Variants in CAPN15 observed in about 807,000 individuals in gnomAD.
CAPN15 encodes calpain-15.
In CAPN15, 53 loss-of-function variants were observed where a neutral mutation model predicts 97.9. That is an observed-to-expected ratio of 0.54 (90% CI 0.43 to 0.68). The LOEUF is 0.68. Among genes scored for constraint, CAPN15 ranks in the 30% least tolerant of loss-of-function variants. The pLI is 0.00. For synonymous variants in CAPN15, 922 were observed against 722.5 expected (o/e 1.28, Z -4.43); for missense variants, 1,592 against 1,589.8 (o/e 1.00, Z -0.02).
chr16:543,849 G>A (rs1289786744), intron 3 of CAPN15, among the ~76,000 whole-genome samples: 2 of 152,212 alleles, frequency 1.3e-5, no homozygotes, highest in African/African-American at 4.8e-5. Context: ...CTGGCTCGCT[G>A]CCCTGGTGGC....
At chr16:544,931 C>G (rs1488164783) in intron 3 of CAPN15, among the ~76,000 whole-genome samples, 1 of 146,406 alleles carries the variant, frequency 6.8e-6, no homozygotes, top group Non-Finnish European at 1.5e-5. Flanking sequence ...GCCCTGAGCC[C>G]GCTCCCTTCG....
chr16:534,428 A>G (rs147616978), intron 2 of CAPN15, among the ~76,000 whole-genome samples: 529 of 152,218 alleles, frequency 3.5e-3, no homozygotes, highest in South Asian at 0.012. Flanking sequence ...CTGTCCTGCC[A>G]GTTGTCATTT....
At position 554,086 on chromosome 16, in the gene CAPN15, C is replaced by A; in HGVS notation, c.*570C>A. ...TGGCCAGCCCCCCAGCGACACTATG[C>A]AAATCCTGGAGTGCCCGCCAGGATC... On this transcript the variant is annotated 3_prime_UTR_variant, in exon 14 of 14. Coordinates refer to ENST00000219611, the MANE Select transcript of CAPN15 (RefSeq NM_005632.3). The A allele has an allele frequency of 5.3e-6, 1 of 190,318 alleles. No homozygotes were observed. 11.8% of individuals were successfully genotyped at this position (190,318 alleles called of 1,614,324 possible).
intron 3 of CAPN15, among the ~76,000 whole-genome samples, chr16:545,692 G>A (rs2034537994): frequency 6.6e-6 from 1 of 152,228 alleles, no homozygotes; most frequent in South Asian, 2.1e-4. Context: ...TTGCTAGTCG[G>A]TGACAACTAC....
chr16:549,594 C>A, intron 6 of CAPN15, 21 bp from the exon 7 acceptor site: 1 of 1,524,584 alleles, frequency 6.6e-7, no homozygotes, highest in Non-Finnish European at 8.8e-7. Flanking sequence ...CGGGGGTGGC[C>A]TCTGACCCGG....
intron 3 of CAPN15, chr16:536,981 C>T (rs1289407631): frequency 7.0e-6 from 2 of 285,960 alleles, no homozygotes; most frequent in African/African-American, 2.3e-5. Context: ...CGGCACCCCT[C>T]ACGGGGCTCT....
chr16:550,995 G>GGTCGGTGAGGGTCCCCT (rs2035005532), intron 7 of CAPN15, among the ~76,000 whole-genome samples: 1 of 49,920 alleles, frequency 2.0e-5, no homozygotes, highest in Non-Finnish European at 4.1e-5. Flanking sequence ...TGAGGGTCCC[G>GGTCGGTGAGGGTCCCCT]GTCGGTGAGG....
At chr16:537,935 C>A (rs952601537) in intron 3 of CAPN15, 2 of 152,234 alleles carry the variant, frequency 1.3e-5, no homozygotes, top group African/African-American at 4.8e-5. Flanking sequence ...TAGTGTGGCA[C>A]GTCCAGAGAC....
intron 4 of CAPN15, among the ~76,000 whole-genome samples, chr16:548,718 G>GGCCAGA (rs1457962234): frequency 5.3e-5 from 8 of 152,254 alleles, no homozygotes; most frequent in African/African-American, 1.9e-4. Flanking sequence ...GCAGGGCCAG[G>GGCCAGA]GCCAGAGTCG....
chr16:543,780 G>C (rs1236870467), intron 3 of CAPN15, among the ~76,000 whole-genome samples: 1 of 152,168 alleles, frequency 6.6e-6, no homozygotes, highest in African/African-American at 2.4e-5. Flanking sequence ...CCGACGGAGG[G>C]CGCCGGGACT....
rs138304902 is a variant in CAPN15 at position 546,892 on chromosome 16, C to A, written c.54C>A (p.Ala18=). 9 of 1,611,430 alleles carry A rather than the reference C, an allele frequency of 5.6e-6. No individual in the cohort carries two copies. The highest frequency in any genetic ancestry group is 7.6e-6 in the Non-Finnish European group (9 of 1,179,794). ...TGCGCTGCACCTTCCTGAACCCGGC[C>A]GGCCAGCGCCAGTGCTCCATCTGCG... is the stretch of plus-strand genomic sequence containing the variant. ...SCVRCTFLNP[A]GQRQCSICEA... Residue 18 remains alanine, a synonymous_variant, in exon 4 of 14, where the codon GCC becomes GCA. Coordinates refer to ENST00000219611, the MANE Select transcript of CAPN15 (RefSeq NM_005632.3).
intron 3 of CAPN15, among the ~76,000 whole-genome samples, chr16:541,456 G>A (rs1411367847): frequency 6.6e-6 from 1 of 152,220 alleles, no homozygotes; most frequent in African/African-American, 2.4e-5. Context: ...CAGGGCCGGG[G>A]AGGGGCCGTG....
chr16:544,091 G>A (rs1596339287), intron 3 of CAPN15, among the ~76,000 whole-genome samples: 1 of 151,840 alleles, frequency 6.6e-6, no homozygotes, highest in East Asian at 1.9e-4. Flanking sequence ...GCTCAGCACA[G>A]AGAGGCAACA....
chr16:551,110 G>A (rs1203862649), intron 7 of CAPN15, among the ~76,000 whole-genome samples, 192 bp from the exon 8 acceptor site: 1 of 89,318 alleles, frequency 1.1e-5, no homozygotes, highest in Non-Finnish European at 2.0e-5. Flanking sequence ...GAGGGTCCCC[G>A]GTCGGTGAGG....
chr16:534,772 C>G (rs2266929), intron 2 of CAPN15, among the ~76,000 whole-genome samples: 46,650 of 152,132 alleles, frequency 0.31, 8,432 homozygotes, highest in South Asian at 0.54. Context: ...TGCCTGGACA[C>G]AGGGGCCCCC....
Position 549,018 on chromosome 16 carries a change from G to A in CAPN15, c.1475G>A (p.Ser492Asn). ...AACAATGTGAGCTTCGTGGATGACA[G>A]CTTCCCTCCCGGGCCCGAGTCTGTC... ...RENNVSFVDD[S>N]FPPGPESVGF... The change falls in exon 5 of 14, where the codon AGC becomes AAC. Residue 492 changes from serine (S) to asparagine (N), a missense_variant. Transcript: ENST00000219611. 6.2e-7 allele frequency: 1 copy of A among 1,612,744 alleles called. No individual in the cohort carries two copies. The highest frequency in any genetic ancestry group is 8.5e-7 in the Non-Finnish European group (1 of 1,179,938).
At chr16:549,228 G>T (rs776593204) in intron 5 of CAPN15, 27 bp downstream of exon 5, 3 of 1,535,098 alleles carry the variant, frequency 2.0e-6, no homozygotes, top group East Asian at 2.5e-5. Context: ...GGCCGGGGTG[G>T]GGCGGGTGGG....
chr16:543,927 G>A (rs958863248), intron 3 of CAPN15, among the ~76,000 whole-genome samples: 2 of 152,218 alleles, frequency 1.3e-5, no homozygotes, highest in African/African-American at 4.8e-5. Context: ...CCACATGGAT[G>A]AAGGGGTGGT....
At chr16:538,740 C>T (rs1054305345) in intron 3 of CAPN15, 6 of 152,238 alleles carry the variant, frequency 3.9e-5, no homozygotes, top group East Asian at 1.9e-4. Context: ...GCTCGTGCCT[C>T]GCTGAGCTCA....
Sources: allele counts gnomAD v4.1 joint callset (sites outside exome capture counted in the v4.1 genomes callset), GRCh38; gene constraint gnomAD v4.1.1; transcripts MANE v1.5; gene names NCBI Gene and HGNC (gene_info 2026-07-23, HGNC 2026-07-21).